The following METTL2B variants were observed in gnomAD, a reference collection of about 807,000 sequenced individuals.
METTL2B encodes the protein methyltransferase 2B, tRNA N3-cytidine.
Under a neutral mutation model 51.0 loss-of-function variants are expected in METTL2B, and 28 were observed. That is an observed-to-expected ratio of 0.55 (90% CI 0.41 to 0.75). The LOEUF (loss-of-function observed/expected upper bound fraction) is 0.75. Ranked by LOEUF, METTL2B falls within the 30% of genes least tolerant of loss-of-function variation. METTL2B has a pLI of 0.00. For missense variants in METTL2B, 313 were observed against 460.7 expected (o/e 0.68, Z 2.93); for synonymous variants, 128 against 166.3 (o/e 0.77, Z 1.77).
At chr7:128,484,208 G>C (rs1415177590) in intron 4 of METTL2B, 1 of 70,420 alleles carries the variant, frequency 1.4e-5, no homozygotes, top group African/African-American at 6.3e-5. Flanking sequence ...TTACCCTATT[G>C]CCTAGATCCT....
chr7:128,488,548 C>T (rs569786828), intron 5 of METTL2B: 53 of 471,360 alleles, frequency 1.1e-4, no homozygotes, highest in African/African-American at 9.6e-4. Flanking sequence ...TTCCACAAAT[C>T]ACATCTGTGT....
Position 128,492,259 on chromosome 7 carries a change from C to T in METTL2B, c.670-1545C>T, listed in dbSNP as rs555255897. 1.2e-3 allele frequency among the ~76,000 whole-genome samples: 180 copies of T among 151,610 alleles called. 1 individual carries two copies. The highest frequency in any genetic ancestry group is 4.2e-3 in the African/African-American group (175 of 41,274). ...GCAACCTCCGCCTCCCAGGTTCAAG[C>T]GATTCTCCTGCCTCAGCCTCCAGAG... On this transcript the variant is annotated intron_variant, in intron 5 of 8. Coordinates refer to ENST00000262432, the MANE Select transcript of METTL2B (RefSeq NM_018396.3).
At chr7:128,494,752 C>T (rs1237440868) in intron 6 of METTL2B, among the ~76,000 whole-genome samples, 4 of 152,104 alleles carry the variant, frequency 2.6e-5, no homozygotes, top group African/African-American at 4.8e-5. Context: ...CTCAACCTCC[C>T]GAGTAGCTGG....
chr7:128,483,746 C>G (rs148781890), intron 4 of METTL2B, among the ~76,000 whole-genome samples: 1 of 151,046 alleles, frequency 6.6e-6, no homozygotes, highest in Admixed American at 6.6e-5. Flanking sequence ...TTGATTGAGA[C>G]GGAGTTTTGC....
At position 128,489,418 on chromosome 7, in the gene METTL2B, A is replaced by G. The variant is rs567753777; in HGVS notation, c.669+1257A>G. Among the ~76,000 whole-genome samples, 11 of 147,278 alleles carry G rather than the reference A, an allele frequency of 7.5e-5. No homozygotes were observed. The East Asian group carries it at 2.1e-3, about 28-fold the overall frequency. On this transcript the variant is annotated intron_variant, in intron 5 of 8. Coordinates refer to ENST00000262432, the MANE Select transcript of METTL2B (RefSeq NM_018396.3). The stretch of plus-strand genomic sequence containing the variant: ...GCCACTGCACTCCAGTCTGGGTGAC[A>G]GAGTGAGACTCCATCTCAAAAAAAA...
intron 4 of METTL2B, among the ~76,000 whole-genome samples, chr7:128,481,030 CCTT>C (rs150465114): frequency 5.3e-5 from 8 of 152,126 alleles, no homozygotes; most frequent in South Asian, 2.1e-4. Flanking sequence ...ACGTTTAGTG[CCTT>C]CTTCTTCTTC....
intron 5 of METTL2B, among the ~76,000 whole-genome samples, chr7:128,490,123 C>T (rs1231538230): frequency 6.6e-6 from 1 of 152,102 alleles, no homozygotes; most frequent in African/African-American, 2.4e-5. Context: ...AACAAAAAAC[C>T]TTTCTTGCCA....
intron 6 of METTL2B, among the ~76,000 whole-genome samples, chr7:128,497,177 T>C (rs1337669426): frequency 1.3e-5 from 2 of 152,202 alleles, no homozygotes; most frequent in Non-Finnish European, 2.9e-5. Context: ...CCAAGACTTT[T>C]GAAGAACACT....
chr7:128,477,416 C>T (rs1483665233), intron 2 of METTL2B, among the ~76,000 whole-genome samples: 3 of 151,988 alleles, frequency 2.0e-5, no homozygotes, highest in Non-Finnish European at 2.9e-5. Context: ...GTAATTTTGT[C>T]TTTAATTATG....
At position 128,501,827 on chromosome 7, in the gene METTL2B, C is replaced by A. The variant is rs755834988; in HGVS notation, c.1048C>A (p.Leu350Met). ...AGTTCAGAATCTGGTGGACCGCCGA[C>A]TGCAGGTGAACCGAGGGAAGCAACT... ...EKVQNLVDRR[L>M]QVNRGKQLTM... is the part of the protein sequence containing the mutation. The change falls in exon 9 of 9, where the codon CTG becomes ATG. Residue 350 changes from leucine (L) to methionine (M), a missense_variant. Transcript: ENST00000262432. 1.1e-5 allele frequency: 18 copies of A among 1,614,094 alleles called. No individual in the cohort carries two copies. The highest frequency in any genetic ancestry group is 1.6e-4 in the Middle Eastern group (1 of 6,084).
At chr7:128,487,488 T>C (rs1315867684) in intron 4 of METTL2B, among the ~76,000 whole-genome samples, 3 of 152,246 alleles carry the variant, frequency 2.0e-5, no homozygotes, top group African/African-American at 7.2e-5. Context: ...GCAATTTTGA[T>C]GGTTTTAAAA....
rs1316419892 is a variant in METTL2B, at chr7:128,506,173, C to T, written c.*4257C>T. The stretch of plus-strand genomic sequence containing the variant: ...AGAATGAAGGGAGGAAGAGAGCTCC[C>T]ATCTTTTCCATTACCGTATTTACTT... On this transcript the variant is annotated 3_prime_UTR_variant, in exon 9 of 9. Transcript: ENST00000262432. The T allele has an allele frequency of 6.6e-6, 1 of 152,076 alleles. No individual in the cohort carries two copies. The highest frequency in any genetic ancestry group is 2.4e-5 in the African/African-American group (1 of 41,396). 9.4% of individuals were successfully genotyped at this position (152,076 alleles called of 1,614,324 possible).
chr7:128,494,088 G>A (rs1185328489), intron 6 of METTL2B, 145 bp downstream of exon 6: 67 of 1,105,080 alleles, frequency 6.1e-5, no homozygotes, highest in Non-Finnish European at 7.8e-5. Flanking sequence ...AATCTCTTGA[G>A]CTTAAATGAT....
At chr7:128,490,158 T>C (rs771322253) in intron 5 of METTL2B, among the ~76,000 whole-genome samples, 2 of 152,138 alleles carry the variant, frequency 1.3e-5, no homozygotes, top group Non-Finnish European at 2.9e-5. Context: ...TCATAGCATC[T>C]TTTCTGGAGT....
chr7:128,490,431 C>A (rs1311436993), intron 5 of METTL2B, among the ~76,000 whole-genome samples: 1 of 150,208 alleles, frequency 6.7e-6, no homozygotes, highest in African/African-American at 2.5e-5. Context: ...CTCAGGCGAA[C>A]CTGATGAGAT....
At chr7:128,485,879 G>A (rs1584791528) in intron 4 of METTL2B, among the ~76,000 whole-genome samples, 1 of 152,152 alleles carries the variant, frequency 6.6e-6, no homozygotes, top group Non-Finnish European at 1.5e-5. Flanking sequence ...AGGCGTTATA[G>A]ATGATTTAAT....
intron 5 of METTL2B, among the ~76,000 whole-genome samples, chr7:128,490,448 A>G (rs1040311776): frequency 4.6e-5 from 7 of 151,164 alleles, no homozygotes; most frequent in Non-Finnish European, 1.0e-4. Context: ...AGATGATTCC[A>G]TTGGGGTTCT....
chr7:128,485,948 A>G (rs1236024944), intron 4 of METTL2B, among the ~76,000 whole-genome samples: 1 of 152,188 alleles, frequency 6.6e-6, no homozygotes, highest in African/African-American at 2.4e-5. Context: ...CCATTGTGTA[A>G]GAGACTTGAG....
rs1409113553 is a variant in METTL2B at position 128,501,955 on chromosome 7, T to A, written c.*39T>A. 1.2e-6 allele frequency: 2 copies of A among 1,606,188 alleles called. No individual in the cohort carries two copies. Among genetic ancestry groups the A allele is most frequent in the Non-Finnish European group, 1.7e-6 (2 of 1,175,144 alleles). On this transcript the variant is annotated 3_prime_UTR_variant, in exon 9 of 9. Transcript: ENST00000262432. ...CCAACACGATGCAAGCCCGTTGTGTTTCCGAGCTTTTTTAAAAAAAAATTT... is the reference window on the plus strand; with the variant it reads ...CCAACACGATGCAAGCCCGTTGTGTATCCGAGCTTTTTTAAAAAAAAATTT...
Sources: allele counts gnomAD v4.1 joint callset (sites outside exome capture counted in the v4.1 genomes callset), GRCh38; gene constraint gnomAD v4.1.1; transcripts MANE v1.5; gene names NCBI Gene and HGNC (gene_info 2026-07-23, HGNC 2026-07-21).